RAD23B: variants seen among roughly 807,000 people sequenced by gnomAD.
RAD23B encodes lysine-specific demethylase RAD23B.
Under a neutral mutation model 49.1 loss-of-function variants are expected in RAD23B, and 5 were observed. The ratio of observed to expected loss-of-function variants is 0.10; its 90% CI spans 0.05 to 0.21. The LOEUF (loss-of-function observed/expected upper bound fraction) is 0.21. Among genes scored for constraint, RAD23B ranks in the 10% least tolerant of loss-of-function variants. RAD23B has a pLI of 1.00. For synonymous variants in RAD23B, 184 were observed against 165.4 expected (o/e 1.11, Z -0.86); for missense variants, 356 against 486.7 (o/e 0.73, Z 2.53).
At chr9:107,304,645 C>T (rs1353667006) in intron 3 of RAD23B, among the ~76,000 whole-genome samples, 2 of 152,176 alleles carry the variant, frequency 1.3e-5, no homozygotes, top group Non-Finnish European at 2.9e-5. Context: ...ATGCCTGTGG[C>T]AAATTATGTT....
intron 5 of RAD23B, among the ~76,000 whole-genome samples, chr9:107,312,491 T>A (rs1826908257): frequency 6.6e-6 from 1 of 152,134 alleles, no homozygotes; most frequent in African/African-American, 2.4e-5. Flanking sequence ...CTGAGTTGGT[T>A]CTCTGAGCTA....
At position 107,318,981 on chromosome 9, in the gene RAD23B, G is replaced by GA. The variant is rs529223791; in HGVS notation, c.681+103dup. Reference sequence around the variant, plus strand: ...GTTCACTTGTCACTGATATATGCTAGATGATATACATAATGCTTTTTTTTT... The same window carrying GA: ...GTTCACTTGTCACTGATATATGCTAGAATGATATACATAATGCTTTTTTTTT... On this transcript the variant is annotated intron_variant, in intron 6 of 9. Coordinates refer to ENST00000358015, the MANE Select transcript of RAD23B (RefSeq NM_002874.5). This position sits in a 1 kb window ranked among gnomAD's most constrained non-coding sequence, Gnocchi z 4.3. The GA allele has an allele frequency of 2.7e-3, 3,097 of 1,153,530 alleles. 8 individuals carry two copies. The highest frequency in any genetic ancestry group is 6.0e-3 in the South Asian group (325 of 53,836). The allele number at this position is 1,153,530 out of a possible 1,614,324, so 71.5% of individuals were successfully genotyped here.
At chr9:107,306,062 T>TACATATATATAG (rs1272904929) in intron 3 of RAD23B, among the ~76,000 whole-genome samples, 13 of 138,728 alleles carry the variant, frequency 9.4e-5, no homozygotes, top group Middle Eastern at 3.8e-3. Context: ...TATATATATA[T>TACATATATATAG]ATATATATAT....
chr9:107,306,045 T>TTTTATATATATATATATATATATATA (rs59336314), intron 3 of RAD23B, among the ~76,000 whole-genome samples: 1 of 26,796 alleles, frequency 3.7e-5, no homozygotes, highest in African/African-American at 1.3e-4. Context: ...ATGATACGGT[T>TTTTATATATATATATATATATATATA]TATATCTATA....
chr9:107,306,542 C>T lies in RAD23B; in HGVS notation c.392C>T (p.Ala131Val), dbSNP rs200509488. 81 of 1,614,072 alleles carry T rather than the reference C, an allele frequency of 5.0e-5. No individual in the cohort carries two copies. In the East Asian group the frequency reaches 1.3e-3, roughly 26 times the overall value. Reference sequence around the variant, plus strand: ...CCTGCATCCATCACTCCAGCATCAGCGACAGCATCTTCTGAACCTGCACCT... The same window carrying T: ...CCTGCATCCATCACTCCAGCATCAGTGACAGCATCTTCTGAACCTGCACCT... ...STPASITPAS[A>V]TASSEPAPAS... Residue 131 changes from alanine (A) to valine (V), a missense_variant, in exon 4 of 10, where the codon GCG becomes GTG. Coordinates refer to ENST00000358015, the MANE Select transcript of RAD23B (RefSeq NM_002874.5).
intron 1 of RAD23B, chr9:107,284,281 A>G: frequency 1.1e-6 from 1 of 949,062 alleles, no homozygotes; most frequent in Non-Finnish European, 1.3e-6. Context: ...TCCTCCCGCC[A>G]CCAAACCCAC....
intron 3 of RAD23B, among the ~76,000 whole-genome samples, chr9:107,304,656 G>GAATT (rs1178379780): frequency 1.3e-5 from 2 of 152,154 alleles, no homozygotes; most frequent in African/African-American, 4.8e-5. Context: ...AAATTATGTT[G>GAATT]AATTTAAGCC....
chr9:107,287,833 T>C (rs1467121298), intron 1 of RAD23B, among the ~76,000 whole-genome samples: 1 of 42,162 alleles, frequency 2.4e-5, no homozygotes, highest in African/African-American at 1.1e-4. Flanking sequence ...AAACTCCATC[T>C]CAAAAAAAAA....
chr9:107,328,477 A>G (rs1011460526), intron 9 of RAD23B, among the ~76,000 whole-genome samples: 3 of 152,190 alleles, frequency 2.0e-5, no homozygotes, highest in Non-Finnish European at 4.4e-5. Flanking sequence ...TTGTTAGGCT[A>G]TCATACGGAG....
intron 2 of RAD23B, among the ~76,000 whole-genome samples, chr9:107,301,733 G>T (rs1045954471): frequency 1.3e-5 from 2 of 151,958 alleles, no homozygotes; most frequent in South Asian, 2.1e-4. Context: ...CATAAACAGG[G>T]TCTTGCTATG....
At chr9:107,310,127 G>C (rs1049602142) in intron 4 of RAD23B, among the ~76,000 whole-genome samples, 32 of 152,048 alleles carry the variant, frequency 2.1e-4, no homozygotes, top group Middle Eastern at 3.4e-3. Flanking sequence ...TTAATATAAA[G>C]GTACAGTTTC....
chr9:107,299,598 G>C (rs1225133823), intron 1 of RAD23B, among the ~76,000 whole-genome samples: 1 of 152,114 alleles, frequency 6.6e-6, no homozygotes, highest in Non-Finnish European at 1.5e-5. Context: ...GGAAACACCT[G>C]TAAAACTTTT....
At chr9:107,306,887 G>A (rs1670717154) in intron 4 of RAD23B, among the ~76,000 whole-genome samples, 2 of 144,916 alleles carry the variant, frequency 1.4e-5, no homozygotes, top group East Asian at 4.0e-4. Flanking sequence ...GGGGGCAGTG[G>A]AAAGGAGAAA....
chr9:107,283,594 G>A lies in RAD23B; in HGVS notation c.-36G>A, dbSNP rs1336547069. 6.8e-7 allele frequency: 1 copy of A among 1,461,962 alleles called. No homozygotes were observed. 90.6% of individuals were successfully genotyped at this position (1,461,962 alleles called of 1,614,324 possible). A position where few individuals can be genotyped will look rare whatever the true frequency, so the allele number is the denominator to read the frequency against. ...AGACCCCGCCCAGCGGCCAGCACCC[G>A]GCGCAGGCCCGGCAGCCGAGCTGCG... On this transcript the variant is annotated 5_prime_UTR_variant, in exon 1 of 10. Transcript: ENST00000358015.
intron 3 of RAD23B, among the ~76,000 whole-genome samples, chr9:107,306,071 ATC>A (rs374193031): frequency 0.33 from 37,423 of 115,016 alleles, 6,804 homozygotes; most frequent in Middle Eastern, 0.44. Flanking sequence ...ATATATATAT[ATC>A]TATATATCTA....
chr9:107,283,650 C>T lies in RAD23B; in HGVS notation c.21C>T (p.Thr7=), dbSNP rs780171361. MQVTLK[T]LQQQTFKIDI... is the part of the protein sequence containing the mutation. The stretch of plus-strand genomic sequence containing the variant: ...GCACCATGCAGGTCACCCTGAAGAC[C>T]CTCCAGCAGCAGACCTTCAAGATAG... The change falls in exon 1 of 10, where the codon ACC becomes ACT. Residue 7 remains threonine (T), a synonymous_variant. Transcript: ENST00000358015. 3.4e-5 allele frequency: 51 copies of T among 1,486,024 alleles called. No individual in the cohort carries two copies. The highest frequency in any genetic ancestry group is 8.9e-5 in the South Asian group (7 of 78,936). 92.1% of individuals were successfully genotyped at this position (1,486,024 alleles called of 1,614,324 possible). A position where few individuals can be genotyped will look rare whatever the true frequency, so the allele number is the denominator to read the frequency against.
chr9:107,314,707 T>G (rs1055645469), intron 5 of RAD23B, among the ~76,000 whole-genome samples: 12 of 152,248 alleles, frequency 7.9e-5, no homozygotes, highest in African/African-American at 2.7e-4. Context: ...GATTTCTGGA[T>G]TAAATGATAG....
At chr9:107,316,676 C>G (rs1355580873) in intron 5 of RAD23B, among the ~76,000 whole-genome samples, 1 of 152,002 alleles carries the variant, frequency 6.6e-6, no homozygotes, top group Non-Finnish European at 1.5e-5. Flanking sequence ...CTATTAAACA[C>G]CTTTATTTTT....
At chr9:107,312,811 TGGA>T (rs1005069162) in intron 5 of RAD23B, among the ~76,000 whole-genome samples, 3 of 151,970 alleles carry the variant, frequency 2.0e-5, no homozygotes, top group Non-Finnish European at 4.4e-5. Context: ...CGGCTCCAGC[TGGA>T]GCCAGCTAGC....
Sources: gnomAD v4.1 joint callset for allele counts (sites outside exome capture counted in the v4.1 genomes callset) on GRCh38, gnomAD v4.1.1 for gene constraint, Gnocchi (gnomAD v3.1) non-coding constraint, MANE v1.5 for transcripts, NCBI Gene and HGNC (gene_info 2026-07-23, HGNC 2026-07-21) for gene names.